MKX: variants seen among roughly 807,000 people sequenced by gnomAD.
MKX encodes the protein homeobox protein Mohawk.
In MKX, 13 loss-of-function variants were observed where a neutral mutation model predicts 36.0. The ratio of observed to expected loss-of-function variants is 0.36; its 90% confidence interval spans 0.24 to 0.57. The LOEUF (loss-of-function observed/expected upper bound fraction) is 0.57, where lower values mean the gene tolerates loss of function less well. MKX is among the 20% of genes least tolerant of loss of function. The probability of loss-of-function intolerance (pLI) is 0.79; values close to 1 mark genes in which losing one functional copy is unlikely to be tolerated. For missense variants in MKX, 458 were observed against 456.4 expected, an observed-to-expected ratio of 1.00 and a Z score of -0.03; for synonymous variants, 176 against 178.3, an observed-to-expected ratio of 0.99 and a Z score of 0.10.
chr10:27,678,328 C>T (rs1161247229), intron 5 of MKX, among the ~76,000 whole-genome samples: 1 of 152,164 alleles, frequency 6.6e-6, no homozygotes, highest in Non-Finnish European at 1.5e-5. Context: ...CTCCGTTTTG[C>T]CCACAAATTG....
Position 27,686,724 on chromosome 10 carries a change from G to A in MKX, c.839-11170C>T, listed in dbSNP as rs1487682633. Among the ~76,000 whole-genome samples the A allele has an allele frequency of 4.6e-5, 7 of 152,224 alleles. 1 individual carries two copies. Among genetic ancestry groups the A allele is most frequent in the Admixed American group, 2.0e-4 (3 of 15,302 alleles). On this transcript the variant is annotated intron_variant, in intron 5 of 6. Transcript: ENST00000419761. ...ACTCTCAACCTCAGGTGATCCGCCC[G>A]CCTTGGCCTCCCAAAGTGTTGGGAT... is the stretch of plus-strand genomic sequence containing the variant.
At chr10:27,675,732 G>A (rs1350007905) in intron 5 of MKX, among the ~76,000 whole-genome samples, 178 bp from the exon 6 acceptor site, 1 of 152,162 alleles carries the variant, frequency 6.6e-6, no homozygotes, top group Non-Finnish European at 1.5e-5. Context: ...TTGCAAAGGG[G>A]CAGAAGTAAG....
chr10:27,725,296 C>T (rs541409701), intron 5 of MKX, among the ~76,000 whole-genome samples: 30 of 152,190 alleles, frequency 2.0e-4, no homozygotes, highest in African/African-American at 6.0e-4. Flanking sequence ...AATTGGGTAA[C>T]GGAAGCTGTC....
At chr10:27,686,359 GGAAA>G (rs1049168328) in intron 5 of MKX, among the ~76,000 whole-genome samples, 16 of 119,444 alleles carry the variant, frequency 1.3e-4, no homozygotes, top group South Asian at 5.3e-4. Context: ...AAAGAAAGAA[GGAAA>G]GAAAGAAAGA....
chr10:27,734,724 C>A lies in MKX; in HGVS notation c.570G>T (p.Val190=). The change falls in exon 5 of 7, where the codon GTG becomes GTT. Residue 190 remains valine (V), a synonymous_variant. Transcript: ENST00000419761. ...TGATGACCGAATTCTCACTTTTAAT[C>A]ACAGGATGGTGAACTGGGGTATTAT... The part of the protein sequence containing the change: ...GGYNTPVHHP[V]IKSENSVIKA... 6.2e-7 allele frequency: 1 copy of A among 1,614,122 alleles called. No individual in the cohort carries two copies. Among genetic ancestry groups the A allele is most frequent in the Admixed American group, 1.7e-5 (1 of 60,010 alleles).
intron 5 of MKX, among the ~76,000 whole-genome samples, chr10:27,692,731 C>A (rs1412123248): frequency 1.3e-5 from 2 of 152,132 alleles, no homozygotes; most frequent in Non-Finnish European, 2.9e-5. Context: ...GTTTCTGCTG[C>A]TCTTGGAATA....
intron 3 of MKX, among the ~76,000 whole-genome samples, chr10:27,736,344 G>C (rs533672032): frequency 4.9e-4 from 74 of 151,498 alleles, no homozygotes; most frequent in South Asian, 1.0e-3. Flanking sequence ...TGAAGGCAAA[G>C]AAAGAAATAT....
chr10:27,741,720 G>C lies in MKX; in HGVS notation c.189-216C>G, dbSNP rs1485340138. ...ATTTCGATAGGTTTATCTTGAATAGGGGGATACCTTGAACCCAATACCCCA... is the reference window on the plus strand; with the variant it reads ...ATTTCGATAGGTTTATCTTGAATAGCGGGATACCTTGAACCCAATACCCCA... On this transcript the variant is annotated intron_variant, in intron 2 of 6. Coordinates refer to ENST00000419761, the MANE Select transcript of MKX (RefSeq NM_173576.3). This position sits in a 1 kb window ranked among gnomAD's most constrained non-coding sequence, Gnocchi z 5.1. Among the ~76,000 whole-genome samples, 1 of 152,224 alleles carries C rather than the reference G, an allele frequency of 6.6e-6. No homozygotes were observed. Among genetic ancestry groups the C allele is most frequent in the Non-Finnish European group, 1.5e-5 (1 of 68,042 alleles).
chr10:27,689,317 T>C (rs1836412764), intron 5 of MKX, among the ~76,000 whole-genome samples: 1 of 152,206 alleles, frequency 6.6e-6, no homozygotes, highest in Non-Finnish European at 1.5e-5. Context: ...AACCCCCACA[T>C]TTTAGACATA....
chr10:27,743,554 A>T (rs1834971003), intron 1 of MKX, 57 bp from the exon 2 acceptor site: 1 of 954,016 alleles, frequency 1.0e-6, no homozygotes, highest in Admixed American at 4.1e-5. Context: ...AGACCCCTGC[A>T]GGTTCAGGGC....
chr10:27,698,437 AG>A (rs902771940), intron 5 of MKX, among the ~76,000 whole-genome samples: 2 of 152,130 alleles, frequency 1.3e-5, no homozygotes, highest in African/African-American at 4.8e-5. Flanking sequence ...AGGGAGTAGC[AG>A]GGGGGATGGA....
chr10:27,738,928 C>T (rs943443098), intron 3 of MKX, among the ~76,000 whole-genome samples: 8 of 151,940 alleles, frequency 5.3e-5, no homozygotes, highest in Admixed American at 1.3e-4. Flanking sequence ...GAATATTTAA[C>T]GTTACTATAA....
intron 5 of MKX, among the ~76,000 whole-genome samples, chr10:27,707,657 C>T (rs150275696): frequency 7.0e-4 from 106 of 152,310 alleles, no homozygotes; most frequent in African/African-American, 2.4e-3. Context: ...TCCTCTCTGA[C>T]AGTTACTGGC....
At chr10:27,703,490 A>G (rs1219852194) in intron 5 of MKX, among the ~76,000 whole-genome samples, 1 of 150,474 alleles carries the variant, frequency 6.6e-6, no homozygotes, top group South Asian at 2.1e-4. Context: ...GTAAAATTCA[A>G]TGCAATAAGC....
At chr10:27,696,395 T>C (rs1353041669) in intron 5 of MKX, among the ~76,000 whole-genome samples, 1 of 152,214 alleles carries the variant, frequency 6.6e-6, no homozygotes, top group Non-Finnish European at 1.5e-5. Flanking sequence ...ACATTGTTTT[T>C]GTAGAGACAG....
rs1834889705 is a variant in MKX, at chr10:27,741,337, CT to C, written c.348+7del. ...AAACGGATCAGGGTGTTAATGGGTC[CT>C]GATTACCTGCACTAGCGTCATCTGC... On this transcript the variant is annotated splice_region_variant and intron_variant, in intron 3 of 6. Transcript: ENST00000419761. The surrounding 1 kb of genome is among the most constrained non-coding windows in gnomAD (Gnocchi z 5.1). 1 of 1,612,250 alleles carries C rather than the reference CT, an allele frequency of 6.2e-7. No homozygotes were observed. The highest frequency in any genetic ancestry group is 2.2e-5 in the East Asian group (1 of 44,770).
At chr10:27,697,981 T>C (rs1450377676) in intron 5 of MKX, among the ~76,000 whole-genome samples, 2 of 152,094 alleles carry the variant, frequency 1.3e-5, no homozygotes, top group Non-Finnish European at 2.9e-5. Flanking sequence ...AAGGTTATCA[T>C]TATCTGAGTG....
chr10:27,729,884 A>G (rs1834586052), intron 5 of MKX, among the ~76,000 whole-genome samples: 1 of 152,036 alleles, frequency 6.6e-6, no homozygotes, highest in Non-Finnish European at 1.5e-5. Flanking sequence ...CCATCTGGAG[A>G]ATCTGAGCCC....
In MKX at chr10:27,742,789, G is replaced by A. The variant is rs2132658161; in HGVS notation, c.188+439C>T. The stretch of plus-strand genomic sequence containing the variant: ...GCCAGGCGAGCCGCGGGGCTCTGGC[G>A]AGGGGCTCGAGTGACCGAAGAGAAG... On this transcript the variant is annotated intron_variant, in intron 2 of 6. Coordinates refer to ENST00000419761, the MANE Select transcript of MKX (RefSeq NM_173576.3). This position sits in a 1 kb window ranked among gnomAD's most constrained non-coding sequence, Gnocchi z 4.2. 6.6e-6 allele frequency among the ~76,000 whole-genome samples: 1 copy of A among 152,144 alleles called. No individual in the cohort carries two copies. The highest frequency in any genetic ancestry group is 2.0e-4 in the East Asian group (1 of 5,118).
Sources: gnomAD v4.1 joint callset for allele counts (sites outside exome capture counted in the v4.1 genomes callset) on GRCh38, gnomAD v4.1.1 for gene constraint, Gnocchi (gnomAD v3.1) non-coding constraint, MANE v1.5 for transcripts, NCBI Gene and HGNC (gene_info 2026-07-23, HGNC 2026-07-21) for gene names.